KHDRBS2: variants seen among roughly 807,000 people sequenced by gnomAD.
KHDRBS2 encodes KH domain-containing, RNA-binding, signal transduction-associated protein 2.
KHDRBS2 carries 26 observed loss-of-function variants against 44.3 expected under a neutral mutation model. The ratio of observed to expected loss-of-function variants is 0.59; its 90% confidence interval spans 0.43 to 0.81. KHDRBS2 has a LOEUF of 0.81. Ranked by LOEUF, KHDRBS2 falls within the 40% of genes least tolerant of loss-of-function variation. The probability of loss-of-function intolerance (pLI) is 0.00; values close to 1 mark genes in which losing one functional copy is unlikely to be tolerated. For missense variants in KHDRBS2, 476 were observed against 433.1 expected, an observed-to-expected ratio of 1.10 and a Z score of -0.88; for synonymous variants, 194 against 151.1, an observed-to-expected ratio of 1.28 and a Z score of -2.08.
At position 61,726,181 on chromosome 6, in the gene KHDRBS2, G is replaced by A. The variant is rs569725298; in HGVS notation, c.893+6501C>T. On this transcript the variant is annotated intron_variant, in intron 7 of 8. Transcript: ENST00000281156. ...ATAAATTTGGTTCATCGCATAAACA[G>A]AACTAATAGATGCAGAAAAGGCCTT... 6.7e-5 allele frequency among the ~76,000 whole-genome samples: 10 copies of A among 148,852 alleles called. No homozygotes were observed. The East Asian group carries it at 1.8e-3, about 27-fold the overall frequency.
chr6:61,774,843 G>A (rs1407085946), intron 6 of KHDRBS2, among the ~76,000 whole-genome samples: 1 of 152,024 alleles, frequency 6.6e-6, no homozygotes, highest in African/African-American at 2.4e-5. Context: ...AACCAAAAAA[G>A]AGAATTTTAG....
chr6:61,744,730 T>TC (rs1776627590), intron 6 of KHDRBS2, among the ~76,000 whole-genome samples: 1 of 152,152 alleles, frequency 6.6e-6, no homozygotes. Flanking sequence ...TCCTTTTTTT[T>TC]CTGGATTCCT....
At chr6:61,671,830 T>A in the KHDRBS2 span, among the ~76,000 whole-genome samples, 2 of 151,808 alleles carry the variant, frequency 1.3e-5, no homozygotes, top group East Asian at 3.9e-4. Flanking sequence ...TTGACCCTTA[T>A]TCTTTTTTTA....
chr6:61,690,519 T>C (rs1416897277), intron 8 of KHDRBS2, among the ~76,000 whole-genome samples: 1 of 152,072 alleles, frequency 6.6e-6, no homozygotes, highest in Non-Finnish European at 1.5e-5. Flanking sequence ...ACATGTGGAC[T>C]ATAATTTTTT....
chr6:61,824,993 T>A (rs9445458), intron 6 of KHDRBS2, among the ~76,000 whole-genome samples: 1,832 of 152,262 alleles, frequency 0.012, 44 homozygotes, highest in African/African-American at 0.042. Flanking sequence ...TGCTATAGGT[T>A]ATTAAAATCT....
At chr6:62,202,204 T>A (rs749697076) in intron 1 of KHDRBS2, among the ~76,000 whole-genome samples, 1 of 152,092 alleles carries the variant, frequency 6.6e-6, no homozygotes, top group Admixed American at 6.6e-5. Context: ...CAAATATGTG[T>A]AATCAGTAAA....
chr6:61,700,081 T>C (rs1025166254), intron 7 of KHDRBS2, among the ~76,000 whole-genome samples: 6 of 151,830 alleles, frequency 4.0e-5, no homozygotes, highest in African/African-American at 1.2e-4. Flanking sequence ...GAGGTGGACT[T>C]CATGAGAAAA....
chr6:61,596,711 G>T, the KHDRBS2 span, among the ~76,000 whole-genome samples: 1 of 151,960 alleles, frequency 6.6e-6, no homozygotes, highest in Non-Finnish European at 1.5e-5. Context: ...GAGTACAGTG[G>T]TGCAATTTCG....
intron 2 of KHDRBS2, among the ~76,000 whole-genome samples, chr6:62,055,794 G>A (rs1790148117): frequency 6.6e-6 from 1 of 151,886 alleles, no homozygotes; most frequent in South Asian, 2.1e-4. Flanking sequence ...CATCACATTT[G>A]GAAGACGGAC....
the KHDRBS2 span, among the ~76,000 whole-genome samples, chr6:61,669,971 T>A: frequency 6.6e-6 from 1 of 150,394 alleles, no homozygotes; most frequent in Admixed American, 6.6e-5. Flanking sequence ...AGAATCCCAC[T>A]TCAAATAAAT....
chr6:62,202,042 G>A (rs1056885634), intron 1 of KHDRBS2, among the ~76,000 whole-genome samples: 1 of 151,908 alleles, frequency 6.6e-6, no homozygotes, highest in African/African-American at 2.4e-5. Context: ...TTTTTAAAAA[G>A]TAGTTTTCAA....
chr6:62,210,217 T>C (rs1474629622), intron 1 of KHDRBS2, among the ~76,000 whole-genome samples: 3 of 152,092 alleles, frequency 2.0e-5, no homozygotes, highest in Non-Finnish European at 1.5e-5. Flanking sequence ...ATAAAGAAGA[T>C]GTTCCTCAGA....
chr6:61,841,295 A>C (rs1206184380), intron 6 of KHDRBS2, among the ~76,000 whole-genome samples: 4 of 152,138 alleles, frequency 2.6e-5, no homozygotes, highest in Non-Finnish European at 5.9e-5. Flanking sequence ...CATGTCTTTA[A>C]ATTTACCTCC....
At chr6:61,637,598 A>G in the KHDRBS2 span, among the ~76,000 whole-genome samples, 3 of 151,982 alleles carry the variant, frequency 2.0e-5, no homozygotes, top group Admixed American at 6.6e-5. Flanking sequence ...AGATCCCTGA[A>G]GAATCGCCAC....
chr6:61,954,378 TGCA>T lies in KHDRBS2; in HGVS notation c.483+23685_483+23687del, dbSNP rs1765517457. Among the ~76,000 whole-genome samples the T allele has an allele frequency of 4.4e-5, 3 of 68,844 alleles. 1 individual carries two copies. The highest frequency in any genetic ancestry group is 6.8e-5 in the Non-Finnish European group (2 of 29,568). 45.2% of individuals were successfully genotyped at this position (68,844 alleles called of 152,430 possible). Reference sequence around the variant, plus strand: ...GTATGCATACATATATACGTATGTATGCATGCATACATATATACGTATGTATGC... The same window carrying T: ...GTATGCATACATATATACGTATGTATTGCATACATATATACGTATGTATGC... On this transcript the variant is annotated intron_variant, in intron 4 of 8. Coordinates refer to ENST00000281156, the MANE Select transcript of KHDRBS2 (RefSeq NM_152688.4).
intron 1 of KHDRBS2, among the ~76,000 whole-genome samples, chr6:62,270,891 A>G (rs1396699192): frequency 6.6e-6 from 1 of 152,136 alleles, no homozygotes; most frequent in Non-Finnish European, 1.5e-5. Context: ...AAATTGGCCC[A>G]CTGTCACAAA....
chr6:61,583,315 T>A, the KHDRBS2 span, among the ~76,000 whole-genome samples: 1 of 151,846 alleles, frequency 6.6e-6, no homozygotes, highest in African/African-American at 2.4e-5. Context: ...ATAAATTGTT[T>A]GTTTCTCTTT....
intron 6 of KHDRBS2, among the ~76,000 whole-genome samples, chr6:61,766,110 C>CG (rs1779970029): frequency 6.7e-6 from 1 of 149,998 alleles, no homozygotes; most frequent in Non-Finnish European, 1.5e-5. Context: ...CGTGTTCAGG[C>CG]TTTTTTTTTG....
At chr6:61,604,735 C>T in the KHDRBS2 span, among the ~76,000 whole-genome samples, 1 of 152,288 alleles carries the variant, frequency 6.6e-6, no homozygotes, top group African/African-American at 2.4e-5. Context: ...GGCAAATTGA[C>T]TTTACTTACA....
Sources: gnomAD v4.1 joint callset for allele counts (sites outside exome capture counted in the v4.1 genomes callset) on GRCh38, gnomAD v4.1.1 for gene constraint, MANE v1.5 for transcripts, NCBI Gene and HGNC (gene_info 2026-07-23, HGNC 2026-07-21) for gene names.